Variants in DPYD observed in about 807,000 individuals in gnomAD.
DPYD encodes the protein dihydropyrimidine dehydrogenase [NADP(+)].
In DPYD, 109 loss-of-function variants were observed where a neutral mutation model predicts 116.2. The ratio of observed to expected loss-of-function variants is 0.94; its 90% CI spans 0.80 to 1.10. The LOEUF is 1.10. DPYD is among the 50% of genes least tolerant of loss of function. The probability of loss-of-function intolerance (pLI) is 0.00; values close to 1 mark genes in which losing one functional copy is unlikely to be tolerated. For missense variants in DPYD, 1,302 were observed against 1,254.5 expected, an observed-to-expected ratio of 1.04 and a Z score of -0.57; for synonymous variants, 440 against 432.0, an observed-to-expected ratio of 1.02 and a Z score of -0.23.
intron 19 of DPYD, among the ~76,000 whole-genome samples, chr1:97,201,272 T>G (rs1480090043): frequency 6.6e-6 from 1 of 152,122 alleles, no homozygotes; most frequent in African/African-American, 2.4e-5. Context: ...GAAACTAAAT[T>G]TCTCCTGTTT....
chr1:97,157,101 ACT>A (rs1031815160), intron 20 of DPYD, among the ~76,000 whole-genome samples: 8 of 110,998 alleles, frequency 7.2e-5, no homozygotes, highest in African/African-American at 2.8e-4. Context: ...GGAACATCAC[ACT>A]CTGGGGACTG....
chr1:97,463,682 C>A (rs946496702), intron 13 of DPYD, among the ~76,000 whole-genome samples: 4 of 152,052 alleles, frequency 2.6e-5, no homozygotes, highest in African/African-American at 7.2e-5. Flanking sequence ...ATGATAAGGG[C>A]AATGAAATTC....
intron 20 of DPYD, among the ~76,000 whole-genome samples, chr1:97,120,429 G>A (rs944186148): frequency 6.6e-6 from 1 of 152,074 alleles, no homozygotes; most frequent in African/African-American, 2.4e-5. Flanking sequence ...GTCTGAAATG[G>A]ACAACTTTAT....
chr1:97,608,571 A>G (rs1329439962), intron 8 of DPYD, among the ~76,000 whole-genome samples: 1 of 151,884 alleles, frequency 6.6e-6, no homozygotes. Flanking sequence ...TGTATGGCAA[A>G]TTAGCTTACT....
intron 8 of DPYD, among the ~76,000 whole-genome samples, chr1:97,624,509 G>C (rs968910590): frequency 2.0e-5 from 3 of 151,958 alleles, no homozygotes; most frequent in African/African-American, 7.2e-5. Flanking sequence ...AAACACTCTT[G>C]TTAGTGAGAA....
intron 14 of DPYD, among the ~76,000 whole-genome samples, chr1:97,445,184 T>C (rs1273522198): frequency 6.6e-6 from 1 of 152,164 alleles, no homozygotes; most frequent in Non-Finnish European, 1.5e-5. Context: ...AACTACAGAT[T>C]TGATTGGACA....
rs748909072 is a variant in DPYD at position 97,450,234 on chromosome 1, A to G, written c.1741-11T>C. 2 of 1,613,284 alleles carry G rather than the reference A, an allele frequency of 1.2e-6. No homozygotes were observed. The highest frequency in any genetic ancestry group is 1.7e-6 in the Non-Finnish European group (2 of 1,179,422). ...ATTTGTCACAATGTCCTGATGAAAG[A>G]GTAAAGATATTGAGTCTCCTTTTGA... On this transcript the variant is annotated splice_polypyrimidine_tract_variant and intron_variant, in intron 13 of 22. Coordinates refer to ENST00000370192, the MANE Select transcript of DPYD (RefSeq NM_000110.4).
intron 4 of DPYD, among the ~76,000 whole-genome samples, chr1:97,724,951 GAA>G (rs1491225119): frequency 1.3e-5 from 1 of 76,878 alleles, no homozygotes; most frequent in Non-Finnish European, 2.8e-5. Flanking sequence ...GGGAGGGAAG[GAA>G]AGAGAGAGAG....
intron 1 of DPYD, chr1:97,883,855 A>G: frequency 2.1e-6 from 1 of 474,944 alleles, no homozygotes; most frequent in Non-Finnish European, 4.1e-6. Flanking sequence ...AGATACATGT[A>G]AATCAGAAGA....
chr1:97,676,380 C>G (rs1487129492), intron 8 of DPYD, among the ~76,000 whole-genome samples: 1 of 152,112 alleles, frequency 6.6e-6, no homozygotes, highest in African/African-American at 2.4e-5. Flanking sequence ...AAATATAAGA[C>G]TGAAGGAGCT....
At chr1:97,898,915 T>G (rs1571552552) in intron 1 of DPYD, among the ~76,000 whole-genome samples, 1 of 151,912 alleles carries the variant, frequency 6.6e-6, no homozygotes, top group Non-Finnish European at 1.5e-5. Context: ...CATGTGGAAC[T>G]CTGAATCCAT....
intron 1 of DPYD, among the ~76,000 whole-genome samples, chr1:97,915,165 A>C (rs955317283): frequency 6.6e-6 from 1 of 152,144 alleles, no homozygotes; most frequent in Non-Finnish European, 1.5e-5. Context: ...CAGAAGAAGA[A>C]ATGGCAGTCC....
rs573696284 is a variant in DPYD, at chr1:97,256,697, T to C, written c.2300-21703A>G. Among the ~76,000 whole-genome samples the C allele has an allele frequency of 2.2e-4, 34 of 152,218 alleles. 1 individual carries two copies. The South Asian group carries it at 3.3e-3, about 15-fold the overall frequency. ...TATTAGCAGTGTGAGAACAGACTAA[T>C]ACACTTCCTCTTATTTCTCTAACAT... On this transcript the variant is annotated intron_variant, in intron 18 of 22. Transcript: ENST00000370192.
chr1:97,206,164 TA>T (rs965883379), intron 19 of DPYD, among the ~76,000 whole-genome samples: 8 of 146,780 alleles, frequency 5.5e-5, no homozygotes, highest in Admixed American at 6.8e-5. Context: ...TCTTTCAGCC[TA>T]AAAAAAAAAC....
At chr1:97,808,254 T>G (rs1265733832) in intron 3 of DPYD, among the ~76,000 whole-genome samples, 1 of 152,194 alleles carries the variant, frequency 6.6e-6, no homozygotes, top group Non-Finnish European at 1.5e-5. Flanking sequence ...ACACAAAAGA[T>G]GTTTCCATTT....
At chr1:97,202,404 G>A (rs1481958984) in intron 19 of DPYD, among the ~76,000 whole-genome samples, 1 of 152,052 alleles carries the variant, frequency 6.6e-6, no homozygotes, top group Non-Finnish European at 1.5e-5. Context: ...TAGCCTGAAA[G>A]TCTATTTTTC....
At chr1:97,160,531 A>C (rs1210355150) in intron 20 of DPYD, among the ~76,000 whole-genome samples, 1 of 152,080 alleles carries the variant, frequency 6.6e-6, no homozygotes, top group African/African-American at 2.4e-5. Context: ...ATGATGAGAG[A>C]TAAGCAACTC....
intron 8 of DPYD, among the ~76,000 whole-genome samples, chr1:97,638,096 T>G (rs901728322): frequency 6.6e-6 from 1 of 152,130 alleles, no homozygotes; most frequent in African/African-American, 2.4e-5. Context: ...AGTCTAGAAC[T>G]TGTGTTTCCA....
chr1:97,386,971 GA>G (rs1024797609), intron 14 of DPYD, among the ~76,000 whole-genome samples: 84 of 150,852 alleles, frequency 5.6e-4, no homozygotes, highest in African/African-American at 1.9e-3. Flanking sequence ...TTTTTCCTAA[GA>G]AAAAAAACCA....
Sources: gnomAD v4.1 joint callset for allele counts (sites outside exome capture counted in the v4.1 genomes callset) on GRCh38, gnomAD v4.1.1 for gene constraint, MANE v1.5 for transcripts, NCBI Gene and HGNC (gene_info 2026-07-23, HGNC 2026-07-21) for gene names.